The following MYO15A variants were observed in gnomAD, a reference collection of about 807,000 sequenced individuals.
The protein encoded by MYO15A is unconventional myosin-XV.
Under a neutral mutation model 394.6 loss-of-function variants are expected in MYO15A, and 308 were observed. That is an observed-to-expected ratio of 0.78 (90% CI 0.71 to 0.86). MYO15A has a LOEUF of 0.86. Ranked by LOEUF, MYO15A falls within the 40% of genes least tolerant of loss-of-function variation. The pLI is 0.00. For missense variants in MYO15A, 4,606 were observed against 4,799.1 expected, an observed-to-expected ratio of 0.96 and a Z score of 1.19; for synonymous variants, 1,957 against 2,003.8, an observed-to-expected ratio of 0.98 and a Z score of 0.62.
chr17:18,162,755 T>G (rs959160802), intron 58 of MYO15A, 76 bp downstream of exon 58: 1 of 1,483,228 alleles, frequency 6.7e-7, no homozygotes, highest in Non-Finnish European at 9.3e-7. Flanking sequence ...ATCCCAGCAC[T>G]TTGGGAGGCT....
chr17:18,167,715 G>T lies in MYO15A; in HGVS notation c.10074G>T (p.Leu3358=). ...ATCGCGCCAAGGACCACTTCTACCTGCCGAGCGTGTGAGCATCTGCCCTCC... is the reference window on the plus strand; with the variant it reads ...ATCGCGCCAAGGACCACTTCTACCTTCCGAGCGTGTGAGCATCTGCCCTCC... ...LQHRAKDHFY[L]PSVREVQEYI... The change falls in exon 62 of 66, where the codon CTG becomes CTT. Residue 3358 remains leucine, a synonymous_variant. Transcript: ENST00000647165. 1 of 1,603,250 alleles carries T rather than the reference G, an allele frequency of 6.2e-7. No individual in the cohort carries two copies.
rs985374178 is a variant in MYO15A at position 18,179,600 on chromosome 17, A to C, written c.*730A>C. On this transcript the variant is annotated 3_prime_UTR_variant, in exon 66 of 66. Coordinates refer to ENST00000647165, the MANE Select transcript of MYO15A (RefSeq NM_016239.4). Reference sequence around the variant, plus strand: ...AGAAGTTTGGGAAAAGCCTTCTTGGAAAATGGGACATTAGCATTGAGTTTT... The same window carrying C: ...AGAAGTTTGGGAAAAGCCTTCTTGGCAAATGGGACATTAGCATTGAGTTTT... 6.5e-6 allele frequency: 1 copy of C among 152,974 alleles called. No individual in the cohort carries two copies. Among genetic ancestry groups the C allele is most frequent in the Non-Finnish European group, 1.5e-5 (1 of 68,632 alleles). The allele number at this position is 152,974 out of a possible 1,614,324, so 9.5% of individuals were successfully genotyped here.
At position 18,167,730 on chromosome 17, in the gene MYO15A, A is replaced by G. The variant is rs766683792; in HGVS notation, c.10082+7A>G. On this transcript the variant is annotated splice_region_variant and intron_variant, in intron 62 of 65. Transcript: ENST00000647165. The stretch of plus-strand genomic sequence containing the variant: ...ACTTCTACCTGCCGAGCGTGTGAGC[A>G]TCTGCCCTCCTGCCTCAGCTGGGGT... 1.1e-5 allele frequency: 17 copies of G among 1,602,402 alleles called. No individual in the cohort carries two copies. Among genetic ancestry groups the G allele is most frequent in the South Asian group, 8.8e-5 (8 of 91,090 alleles).
rs1035005169 is a variant in MYO15A at position 18,144,744 on chromosome 17, A to G, written c.6273+152A>G. On this transcript the variant is annotated intron_variant, in intron 29 of 65. Transcript: ENST00000647165. ...GACAGACTTTTATGTCAGAGGGGGAAATCTGGCTTCCTCTCTGAGGACTGG... is the reference window on the plus strand; with the variant it reads ...GACAGACTTTTATGTCAGAGGGGGAGATCTGGCTTCCTCTCTGAGGACTGG... 4.2e-5 allele frequency: 30 copies of G among 713,436 alleles called. No individual in the cohort carries two copies. In the African/African-American group the frequency reaches 4.4e-4, roughly 11 times the overall value. The allele number at this position is 713,436 out of a possible 1,614,324, so 44.2% of individuals were successfully genotyped here. A position where few individuals can be genotyped will look rare whatever the true frequency, so the allele number is the denominator to read the frequency against.
At chr17:18,154,022 C>T in intron 43 of MYO15A, 109 bp from the exon 44 acceptor site, 1 of 1,603,322 alleles carries the variant, frequency 6.2e-7, no homozygotes, top group South Asian at 1.1e-5. Context: ...GGGCTGAAAC[C>T]AGGGGTGGGG....
chr17:18,120,887 C>G lies in MYO15A; in HGVS notation c.2087C>G (p.Ser696Cys). Residue 696 changes from serine (S) to cysteine (C), a missense_variant, in exon 2 of 66, where the codon TCC becomes TGC. Ser to Cys is a moderately radical substitution (Grantham distance 112). This residue lies in a region of MYO15A where 1,830 missense variants were observed against 1,689.7 expected (regional missense o/e 1.08). Coordinates refer to ENST00000647165, the MANE Select transcript of MYO15A (RefSeq NM_016239.4). ...GLPRPASPYG[S>C]LRRHPPPWAA... ...CCCCGGCCGGCCTCGCCCTACGGCTCCCTCCGCCGCCACCCGCCGCCCTGG... is the reference window on the plus strand; with the variant it reads ...CCCCGGCCGGCCTCGCCCTACGGCTGCCTCCGCCGCCACCCGCCGCCCTGG... 2.2e-6 allele frequency: 3 copies of G among 1,370,612 alleles called. No individual in the cohort carries two copies. Among genetic ancestry groups the G allele is most frequent in the Non-Finnish European group, 2.8e-6 (3 of 1,062,770 alleles). The allele number at this position is 1,370,612 out of a possible 1,614,324, so 84.9% of individuals were successfully genotyped here. A position where few individuals can be genotyped will look rare whatever the true frequency, so the allele number is the denominator to read the frequency against.
chr17:18,119,345 G>C lies in MYO15A; in HGVS notation c.545G>C (p.Arg182Pro). The C allele has an allele frequency of 6.2e-7, 1 of 1,609,080 alleles. No individual in the cohort carries two copies. Among genetic ancestry groups the C allele is most frequent in the Non-Finnish European group, 8.5e-7 (1 of 1,179,086 alleles). ...LPFPSGAEIL[R>P]PGGRLRRFPR... is the part of the protein sequence containing the mutation. ...TTCCCGTCGGGTGCCGAGATCCTGC[G>C]GCCTGGGGGCCGGCTCCGGAGGTTC... The change falls in exon 2 of 66, where the codon CGG becomes CCG. Residue 182 changes from arginine to proline, a missense_variant. Coordinates refer to ENST00000647165, the MANE Select transcript of MYO15A (RefSeq NM_016239.4).
At chr17:18,157,480 T>C in intron 50 of MYO15A, 2 of 905,638 alleles carry the variant, frequency 2.2e-6, no homozygotes, top group Non-Finnish European at 1.7e-6. Flanking sequence ...CCACATGACC[T>C]GAGAGTCCAC....
chr17:18,140,966 T>C (rs1403052375), intron 21 of MYO15A, 53 bp from the exon 22 acceptor site: 1 of 1,613,110 alleles, frequency 6.2e-7, no homozygotes, highest in Non-Finnish European at 8.5e-7. Flanking sequence ...TGATAATGCC[T>C]TTTGCACATG....
chr17:18,156,252 G>A lies in MYO15A; in HGVS notation c.8517G>A (p.Leu2839=). 1 of 1,614,126 alleles carries A rather than the reference G, an allele frequency of 6.2e-7. No individual in the cohort carries two copies. Among genetic ancestry groups the A allele is most frequent in the Non-Finnish European group, 8.5e-7 (1 of 1,180,008 alleles). The change falls in exon 48 of 66, where the codon CTG becomes CTA. Residue 2839 remains leucine (L), a synonymous_variant. Transcript: ENST00000647165. The part of the protein sequence containing the change: ...MPSQNMLEFN[L]ASEKVILFSA... ...CCCAGAACATGCTGGAGTTCAACCT[G>A]GCCAGTGAGAAGGTCATCCTCTTCT...
rs767426819 is a variant in MYO15A at position 18,139,593 on chromosome 17, C to T, written c.5193C>T (p.Phe1731=). The T allele has an allele frequency of 3.6e-5, 58 of 1,613,908 alleles. No homozygotes were observed. The highest frequency in any genetic ancestry group is 2.3e-4 in the Admixed American group (14 of 59,998). ...DQVRQDVLDL[F]VRSRTRVVAH... is the part of the protein sequence containing the mutation. Reference sequence around the variant, plus strand: ...TGCGCCAGGATGTGCTGGACCTGTTCGTACGGAGCCGGACACGGGTAAGCC... The same window carrying T: ...TGCGCCAGGATGTGCTGGACCTGTTTGTACGGAGCCGGACACGGGTAAGCC... The change falls in exon 19 of 66, where the codon TTC becomes TTT. Residue 1731 remains phenylalanine (F), a synonymous_variant. Coordinates refer to ENST00000647165, the MANE Select transcript of MYO15A (RefSeq NM_016239.4).
chr17:18,124,462 C>A, intron 2 of MYO15A, 21 bp from the exon 3 acceptor site: 1 of 1,607,882 alleles, frequency 6.2e-7, no homozygotes, highest in Non-Finnish European at 8.5e-7. Context: ...CCTGCAGACA[C>A]AGCCTCTCTC....
intron 64 of MYO15A, 117 bp downstream of exon 64, chr17:18,172,407 A>G (rs2046955623): frequency 1.4e-6 from 2 of 1,441,124 alleles, no homozygotes; most frequent in Non-Finnish European, 1.9e-6. Flanking sequence ...TACCACCTTC[A>G]TGATCTCAGG....
In MYO15A at chr17:18,155,185, A is replaced by G. The variant is rs1567656081; in HGVS notation, c.8300A>G (p.Asp2767Gly). The change falls in exon 46 of 66, where the codon GAC becomes GGC. Residue 2767 changes from aspartate to glycine, a missense_variant. Asp to Gly is a moderately conservative substitution (Grantham distance 94). Transcript: ENST00000647165. ...VKRAVVSTAR[D>G]TWEVYFSRIF... ...CGGGCCGTGGTCAGCACTGCACGAGACACCTGGGAGGTCTACTTCTCCCGC... is the reference window on the plus strand; with the variant it reads ...CGGGCCGTGGTCAGCACTGCACGAGGCACCTGGGAGGTCTACTTCTCCCGC... 1 of 1,613,956 alleles carries G rather than the reference A, an allele frequency of 6.2e-7. No individual in the cohort carries two copies. Among genetic ancestry groups the G allele is most frequent in the East Asian group, 2.2e-5 (1 of 44,882 alleles).
chr17:18,175,723 GA>G (rs1284476994), intron 65 of MYO15A, among the ~76,000 whole-genome samples: 7 of 152,116 alleles, frequency 4.6e-5, no homozygotes, highest in Non-Finnish European at 1.5e-5. Flanking sequence ...CAGACTACCT[GA>G]GCTCCAGGCT....
Position 18,146,001 on chromosome 17 carries a change from G to T in MYO15A, c.6403G>T (p.Val2135Leu), listed in dbSNP as rs374716848. The T allele has an allele frequency of 2.2e-5, 35 of 1,613,814 alleles. No homozygotes were observed. Among genetic ancestry groups the T allele is most frequent in the Admixed American group, 1.7e-4 (10 of 60,000 alleles). ...GATCCTGGCACAGCTGGCCAATCAG[G>T]TGTGGCACAATCACAATGCCCACAA... ...DEILAQLANQ[V>L]WHNHNAHNAE... Residue 2135 changes from valine (V) to leucine (L), a missense_variant, in exon 30 of 66, where the codon GTG becomes TTG. This residue lies in a region of MYO15A where 2,776 missense variants were observed against 3,109.3 expected (regional missense o/e 0.89). Transcript: ENST00000647165.
Position 18,121,983 on chromosome 17 carries a change from C to T in MYO15A, c.3183C>T (p.Leu1061=), listed in dbSNP as rs200093968. 1.9e-6 allele frequency: 3 copies of T among 1,613,314 alleles called. No homozygotes were observed. The Admixed American group carries it at 5.0e-5, about 27-fold the overall frequency. ...LPEQKTLRPS[L]SYPLAACDQT... ...AGCAAAAGACATTAAGGCCCAGCCT[C>T]TCATACCCACTGGCTGCGTGTGACC... Residue 1061 remains leucine (L), a synonymous_variant, in exon 2 of 66, where the codon CTC becomes CTT. Transcript: ENST00000647165. The surrounding 1 kb of genome is among the most constrained non-coding windows in gnomAD (Gnocchi z 5.3).
intron 64 of MYO15A, among the ~76,000 whole-genome samples, chr17:18,173,406 A>G (rs893861584): frequency 5.9e-5 from 9 of 152,280 alleles, no homozygotes; most frequent in African/African-American, 1.7e-4. Flanking sequence ...GGCCTGGGCA[A>G]CACAGGAGGC....
intron 51 of MYO15A, 22 bp downstream of exon 51, chr17:18,157,922 T>C: frequency 1.6e-5 from 1 of 63,826 alleles, no homozygotes; most frequent in Middle Eastern, 3.8e-3. Context: ...GTGGGTGGGG[T>C]GGGGCGGGGT....
Sources: allele counts gnomAD v4.1 joint callset (sites outside exome capture counted in the v4.1 genomes callset), GRCh38; gene constraint gnomAD v4.1.1; regional missense constraint gnomAD v4.1.1; non-coding constraint Gnocchi (gnomAD v3.1); transcripts MANE v1.5; gene names NCBI Gene and HGNC (gene_info 2026-07-23, HGNC 2026-07-21).